ADAMTSL4: variants seen among roughly 807,000 people sequenced by gnomAD.
ADAMTSL4 encodes the protein ADAMTS-like protein 4.
Under a neutral mutation model 122.8 loss-of-function variants are expected in ADAMTSL4, and 97 were observed. The ratio of observed to expected loss-of-function variants is 0.79; its 90% CI spans 0.67 to 0.93. ADAMTSL4 has a LOEUF of 0.93. ADAMTSL4 is among the 40% of genes least tolerant of loss of function. ADAMTSL4 has a pLI of 0.00. For missense variants in ADAMTSL4, 1,408 were observed against 1,453.5 expected, an observed-to-expected ratio of 0.97 and a Z score of 0.51; for synonymous variants, 592 against 568.0, an observed-to-expected ratio of 1.04 and a Z score of -0.60.
chr1:150,552,071 C>T lies in ADAMTSL4; in HGVS notation c.-84-134C>T. The T allele has an allele frequency of 1.7e-6, 1 of 598,592 alleles. No homozygotes were observed. Among genetic ancestry groups the T allele is most frequent in the Non-Finnish European group, 3.0e-6 (1 of 333,140 alleles). The allele number at this position is 598,592 out of a possible 1,614,324, so 37.1% of individuals were successfully genotyped here. On this transcript the variant is annotated intron_variant, in intron 2 of 18. Coordinates refer to ENST00000271643, the MANE Select transcript of ADAMTSL4 (RefSeq NM_019032.6). This position sits in a 1 kb window ranked among gnomAD's most constrained non-coding sequence, Gnocchi z 4.0. ...TCTACAGATGGACAAGGCAGTGATC[C>T]TCCCTGCTCCCACCCTGAGGATCCT...
At position 150,552,831 on chromosome 1, in the gene ADAMTSL4, C is replaced by T; in HGVS notation, c.79-67C>T. ...CGACTCCGTGAGCCTCAGTGTTGGT[C>T]TACATGGACACTCTGGACAGTTCCC... On this transcript the variant is annotated intron_variant, in intron 4 of 18. Coordinates refer to ENST00000271643, the MANE Select transcript of ADAMTSL4 (RefSeq NM_019032.6). The surrounding 1 kb of genome is among the most constrained non-coding windows in gnomAD (Gnocchi z 4.0). The T allele has an allele frequency of 6.6e-7, 1 of 1,526,024 alleles. No homozygotes were observed. The highest frequency in any genetic ancestry group is 1.7e-5 in the Admixed American group (1 of 59,896). 94.5% of individuals were successfully genotyped at this position (1,526,024 alleles called of 1,614,324 possible). A position where few individuals can be genotyped will look rare whatever the true frequency, so the allele number is the denominator to read the frequency against.
In ADAMTSL4 at chr1:150,552,993, GC is replaced by G; in HGVS notation, c.177del (p.Cys60AlafsTer73). 1.2e-6 allele frequency: 2 copies of G among 1,613,300 alleles called. No individual in the cohort carries two copies. The highest frequency in any genetic ancestry group is 2.2e-5 in the South Asian group (2 of 91,084). ...GGGTCCAGTGGGCCTCTTGCTCCCAGCCCTGCGGGGTGGGGGTGCAGCGCAG... is the reference window on the plus strand; with the variant it reads ...GGGTCCAGTGGGCCTCTTGCTCCCAGCCTGCGGGGTGGGGGTGCAGCGCAG... ...PWVQWASCSQ[P>X]CGVGVQRRSR... On this transcript the variant is annotated frameshift_variant, in exon 5 of 19. Coordinates refer to ENST00000271643, the MANE Select transcript of ADAMTSL4 (RefSeq NM_019032.6). LOFTEE classifies it high-confidence loss of function. The surrounding 1 kb of genome is among the most constrained non-coding windows in gnomAD (Gnocchi z 4.0).
At position 150,556,874 on chromosome 1, in the gene ADAMTSL4, A is replaced by G. The variant is rs1672186708; in HGVS notation, c.1750-65A>G. ...GCAGAGCTGTGGTTGTCAAGATGGGAGAGAGAGCTGGTGGCATCCTCTTCT... is the reference window on the plus strand; with the variant it reads ...GCAGAGCTGTGGTTGTCAAGATGGGGGAGAGAGCTGGTGGCATCCTCTTCT... On this transcript the variant is annotated intron_variant, in intron 10 of 18. Coordinates refer to ENST00000271643, the MANE Select transcript of ADAMTSL4 (RefSeq NM_019032.6). This position sits in a 1 kb window ranked among gnomAD's most constrained non-coding sequence, Gnocchi z 4.1. The G allele has an allele frequency of 3.1e-6, 5 of 1,610,924 alleles. No individual in the cohort carries two copies. The South Asian group carries it at 5.5e-5, about 18-fold the overall frequency.
chr1:150,559,358 C>T lies in ADAMTSL4; in HGVS notation c.2835C>T (p.Phe945=). ...IICVSKLGTE[F]NVTSPSNCSH... ...GTGTATCCAAACTGGGGACGGAGTT[C>T]AACGTGACTTCTCCGAGCAACTGTT... The change falls in exon 17 of 19, where the codon TTC becomes TTT. Residue 945 remains phenylalanine, a synonymous_variant. Transcript: ENST00000271643. The surrounding 1 kb of genome is among the most constrained non-coding windows in gnomAD (Gnocchi z 4.1). 6.2e-7 allele frequency: 1 copy of T among 1,613,954 alleles called. No individual in the cohort carries two copies. Among genetic ancestry groups the T allele is most frequent in the Non-Finnish European group, 8.5e-7 (1 of 1,180,008 alleles).
At position 150,559,929 on chromosome 1, in the gene ADAMTSL4, C is replaced by A. The variant is rs1029617005; in HGVS notation, c.3088+24C>A. The A allele has an allele frequency of 8.1e-6, 13 of 1,613,658 alleles. No homozygotes were observed. Among genetic ancestry groups the A allele is most frequent in the Non-Finnish European group, 1.1e-5 (13 of 1,180,022 alleles). On this transcript the variant is annotated intron_variant, in intron 18 of 18. Coordinates refer to ENST00000271643, the MANE Select transcript of ADAMTSL4 (RefSeq NM_019032.6). This position sits in a 1 kb window ranked among gnomAD's most constrained non-coding sequence, Gnocchi z 4.1. ...TGGTAAAGAGCCCCCTCTCCCCAATCCCCAATACAGTGGATTAGCTGAAGT... is the reference window on the plus strand; with the variant it reads ...TGGTAAAGAGCCCCCTCTCCCCAATACCCAATACAGTGGATTAGCTGAAGT...
rs375355414 is a variant in ADAMTSL4 at position 150,556,243 on chromosome 1, C to T, written c.1453C>T (p.Arg485Cys). 5.6e-6 allele frequency: 9 copies of T among 1,614,030 alleles called. No individual in the cohort carries two copies. In the African/African-American group the frequency reaches 8.0e-5, roughly 14 times the overall value. Residue 485 changes from arginine (R) to cysteine (C), a missense_variant, in exon 9 of 19, where the codon CGC becomes TGC. Arg to Cys is a radical substitution (Grantham distance 180). Coordinates refer to ENST00000271643, the MANE Select transcript of ADAMTSL4 (RefSeq NM_019032.6). The surrounding 1 kb of genome is among the most constrained non-coding windows in gnomAD (Gnocchi z 4.1). ...CTGTGGGGGTGATGATTCTACCTGTCGCCTTGTTTCGGGGAACCTCACTGA... is the reference window on the plus strand; with the variant it reads ...CTGTGGGGGTGATGATTCTACCTGTTGCCTTGTTTCGGGGAACCTCACTGA... Reference protein sequence around the residue: ...GVCGGDDSTCRLVSGNLTDRG... With the variant: ...GVCGGDDSTCCLVSGNLTDRG...
chr1:150,555,622 C>T, intron 8 of ADAMTSL4, 57 bp downstream of exon 8: 2 of 1,598,348 alleles, frequency 1.3e-6, no homozygotes, highest in African/African-American at 1.4e-5. Context: ...CAGACACATG[C>T]CCCCATATGC....
Position 150,557,033 on chromosome 1 carries a change from T to A in ADAMTSL4, c.1844T>A (p.Val615Asp). 6.2e-7 allele frequency: 1 copy of A among 1,613,720 alleles called. No individual in the cohort carries two copies. The highest frequency in any genetic ancestry group is 8.5e-7 in the Non-Finnish European group (1 of 1,179,824). ...GAGAACCCCACCCCAGAGCCCCCTGTCCCCCAGCTTCAGCCGGGTAAGACT... is the reference window on the plus strand; with the variant it reads ...GAGAACCCCACCCCAGAGCCCCCTGACCCCCAGCTTCAGCCGGGTAAGACT... ...ILENPTPEPP[V>D]PQLQPEILRV... Residue 615 changes from valine (V) to aspartate (D), a missense_variant, in exon 11 of 19, where the codon GTC becomes GAC. Val to Asp is a radical substitution (Grantham distance 152). Transcript: ENST00000271643.
chr1:150,555,443 C>T lies in ADAMTSL4; in HGVS notation c.1249C>T (p.Arg417Cys), dbSNP rs752923405. The T allele has an allele frequency of 3.7e-5, 59 of 1,614,018 alleles. No homozygotes were observed. Among genetic ancestry groups the T allele is most frequent in the South Asian group, 8.8e-5 (8 of 91,078 alleles). ...EPFTEVQGSQRCELNCRPRGF... is the reference protein window; with the variant it reads ...EPFTEVQGSQCCELNCRPRGF... ...CTGTCCCTTAGTCCAGGGCTCCCAG[C>T]GCTGTGAACTGAACTGCCGGCCCCG... is the stretch of plus-strand genomic sequence containing the variant. Residue 417 changes from arginine (R) to cysteine (C), a missense_variant, in exon 8 of 19, where the codon CGC becomes TGC. Physicochemically the swap from Arg to Cys is radical, Grantham distance 180. Coordinates refer to ENST00000271643, the MANE Select transcript of ADAMTSL4 (RefSeq NM_019032.6).
At chr1:150,558,187 A>G in intron 14 of ADAMTSL4, 38 bp downstream of exon 14, 2 of 1,612,238 alleles carry the variant, frequency 1.2e-6, no homozygotes, top group Non-Finnish European at 1.7e-6. Context: ...GGGGAGGGGA[A>G]TGGGCACAGG....
At position 150,554,314 on chromosome 1, in the gene ADAMTSL4, C is replaced by A; in HGVS notation, c.1132-51C>A. 6.3e-7 allele frequency: 1 copy of A among 1,576,608 alleles called. No homozygotes were observed. Among genetic ancestry groups the A allele is most frequent in the Non-Finnish European group, 8.7e-7 (1 of 1,148,040 alleles). ...CTGCTCCCCAGGTTCAGCCCTGCCCCTACCCTCATTTTGCTCCCCAGCTCT... is the reference window on the plus strand; with the variant it reads ...CTGCTCCCCAGGTTCAGCCCTGCCCATACCCTCATTTTGCTCCCCAGCTCT... On this transcript the variant is annotated intron_variant, in intron 6 of 18. Transcript: ENST00000271643. This position sits in a 1 kb window ranked among gnomAD's most constrained non-coding sequence, Gnocchi z 4.0.
rs1029390984 is a variant in ADAMTSL4 at position 150,552,092 on chromosome 1, A to G, written c.-84-113A>G. On this transcript the variant is annotated intron_variant, in intron 2 of 18. Coordinates refer to ENST00000271643, the MANE Select transcript of ADAMTSL4 (RefSeq NM_019032.6). The surrounding 1 kb of genome is among the most constrained non-coding windows in gnomAD (Gnocchi z 4.0). ...GATCCTCCCTGCTCCCACCCTGAGG[A>G]TCCTAAAGGGATGGACCAGTTTCAC... 4.9e-6 allele frequency: 3 copies of G among 613,880 alleles called. No homozygotes were observed. Among genetic ancestry groups the G allele is most frequent in the Non-Finnish European group, 5.9e-6 (2 of 341,610 alleles). 38.0% of individuals were successfully genotyped at this position (613,880 alleles called of 1,614,324 possible). A position where few individuals can be genotyped will look rare whatever the true frequency, so the allele number is the denominator to read the frequency against.
At chr1:150,557,692 C>A in intron 13 of ADAMTSL4, 69 bp downstream of exon 13, 2 of 1,526,630 alleles carry the variant, frequency 1.3e-6, no homozygotes, top group Non-Finnish European at 1.8e-6. Flanking sequence ...CAGAATCTTA[C>A]CTGAACTCTG....
Position 150,553,996 on chromosome 1 carries a change from G to A in ADAMTSL4, c.1005G>A (p.Pro335=), listed in dbSNP as rs759155216. 3.7e-5 allele frequency: 60 copies of A among 1,611,618 alleles called. No homozygotes were observed. The highest frequency in any genetic ancestry group is 4.9e-5 in the Non-Finnish European group (58 of 1,179,602). The change falls in exon 6 of 19, where the codon CCG becomes CCA. Residue 335 remains proline (P), a synonymous_variant. Coordinates refer to ENST00000271643, the MANE Select transcript of ADAMTSL4 (RefSeq NM_019032.6). ...GCCTGGAGCCTGACCCTCAGCACCC[G>A]GGCGCCTGGCTGCCCCTGCTGAGCA... is the stretch of plus-strand genomic sequence containing the variant. ...GPRLEPDPQH[P]GAWLPLLSNG...
In ADAMTSL4 at chr1:150,560,218, C is replaced by A. The variant is rs763093898; in HGVS notation, c.*22C>A. On this transcript the variant is annotated 3_prime_UTR_variant, in exon 19 of 19. Coordinates refer to ENST00000271643, the MANE Select transcript of ADAMTSL4 (RefSeq NM_019032.6). ...CTGAAAGGGGTCCGGGGCACCTTCA[C>A]GGTTTTCTGTGCCACCATCGGTCAC... is the stretch of plus-strand genomic sequence containing the variant. 16 of 1,613,336 alleles carry A rather than the reference C, an allele frequency of 9.9e-6. No homozygotes were observed. In the South Asian group the frequency reaches 1.6e-4, roughly 17 times the overall value.
rs141492042 is a variant in ADAMTSL4 at position 150,559,373 on chromosome 1, G to A, written c.2850G>A (p.Pro950=). 317 of 1,613,868 alleles carry A rather than the reference G, an allele frequency of 2.0e-4. 1 individual carries two copies. The highest frequency in any genetic ancestry group is 7.8e-4 in the South Asian group (71 of 91,086). Residue 950 remains proline (P), a synonymous_variant, in exon 17 of 19, where the codon CCG becomes CCA. Transcript: ENST00000271643. The surrounding 1 kb of genome is among the most constrained non-coding windows in gnomAD (Gnocchi z 4.1). ...GGACGGAGTTCAACGTGACTTCTCC[G>A]AGCAACTGTTCTCACCTCCCCAGGC... ...KLGTEFNVTS[P]SNCSHLPRPP...
chr1:150,555,779 A>G (rs1465174464), intron 8 of ADAMTSL4, among the ~76,000 whole-genome samples: 1 of 152,002 alleles, frequency 6.6e-6, no homozygotes, highest in African/African-American at 2.4e-5. Flanking sequence ...ATGCAGACAC[A>G]TGCATGCACA....
At position 150,559,900 on chromosome 1, in the gene ADAMTSL4, G is replaced by A. The variant is rs56411234; in HGVS notation, c.3083G>A (p.Arg1028His). ...RPCNSQPCSQRPDDQCKDSSP... is the reference protein window; with the variant it reads ...RPCNSQPCSQHPDDQCKDSSP... ...TGTAACAGCCAACCCTGCAGCCAGC[G>A]CCCTGGTAAAGAGCCCCCTCTCCCC... The change falls in exon 18 of 19, where the codon CGC becomes CAC. Residue 1028 changes from arginine to histidine, a missense_variant. Coordinates refer to ENST00000271643, the MANE Select transcript of ADAMTSL4 (RefSeq NM_019032.6). The surrounding 1 kb of genome is among the most constrained non-coding windows in gnomAD (Gnocchi z 4.1). 0.026 allele frequency: 42,184 copies of A among 1,613,792 alleles called. 722 individuals are homozygous for A. The highest frequency in any genetic ancestry group is 0.033 in the Non-Finnish European group (38,586 of 1,179,998).
In ADAMTSL4 at chr1:150,552,914, C is replaced by CT. The variant is rs1166699028; in HGVS notation, c.96dup (p.Leu33SerfsTer150). 1 of 1,612,878 alleles carries CT rather than the reference C, an allele frequency of 6.2e-7. No homozygotes were observed. Among genetic ancestry groups the CT allele is most frequent in the Non-Finnish European group, 8.5e-7 (1 of 1,179,970 alleles). On this transcript the variant is annotated frameshift_variant, in exon 5 of 19. Transcript: ENST00000271643. LOFTEE classifies it high-confidence loss of function. This position sits in a 1 kb window ranked among gnomAD's most constrained non-coding sequence, Gnocchi z 4.0. ...TCTATATAGGTGTTGTCCGGACACT[C>CT]TCTTCAGACACCTACAGAGGAGGGC...
Sources: gnomAD v4.1 joint callset for allele counts (sites outside exome capture counted in the v4.1 genomes callset) on GRCh38, gnomAD v4.1.1 for gene constraint, Gnocchi (gnomAD v3.1) non-coding constraint, MANE v1.5 for transcripts, NCBI Gene and HGNC (gene_info 2026-07-23, HGNC 2026-07-21) for gene names.